RALGPS1: variants seen among roughly 807,000 people sequenced by gnomAD.
RALGPS1 encodes the protein ras-specific guanine nucleotide-releasing factor RalGPS1.
In RALGPS1, 19 loss-of-function variants were observed where a neutral mutation model predicts 78.8. The observed-to-expected ratio is 0.24, with a 90% CI of 0.17 to 0.35. The LOEUF (loss-of-function observed/expected upper bound fraction) is 0.35, where lower values mean the gene tolerates loss of function less well. RALGPS1 is among the 10% of genes least tolerant of loss of function. The probability of loss-of-function intolerance (pLI) is 1.00; values close to 1 mark genes in which losing one functional copy is unlikely to be tolerated. For synonymous variants in RALGPS1, 228 were observed against 256.3 expected, an observed-to-expected ratio of 0.89 and a Z score of 1.06; for missense variants, 454 against 688.3, an observed-to-expected ratio of 0.66 and a Z score of 3.81.
intron 8 of RALGPS1, among the ~76,000 whole-genome samples, chr9:127,096,183 G>T (rs1384321907): frequency 6.6e-6 from 1 of 152,208 alleles, no homozygotes; most frequent in Admixed American, 6.5e-5. Context: ...CAGGGAAGGG[G>T]AGGCTAGACC....
At chr9:127,135,489 G>A in intron 8 of RALGPS1, among the ~76,000 whole-genome samples, 1 of 152,224 alleles carries the variant, frequency 6.6e-6, no homozygotes, top group Middle Eastern at 3.2e-3. Flanking sequence ...CCTGTGGCAG[G>A]GAAAGATTTG....
intron 1 of RALGPS1, among the ~76,000 whole-genome samples, chr9:126,919,342 TG>T (rs2034517440): frequency 6.6e-6 from 1 of 152,218 alleles, no homozygotes; most frequent in East Asian, 1.9e-4. Flanking sequence ...AGACATCCTT[TG>T]TCCTAGGAAA....
At chr9:127,134,137 G>A (rs2057231480) in intron 8 of RALGPS1, among the ~76,000 whole-genome samples, 1 of 152,078 alleles carries the variant, frequency 6.6e-6, no homozygotes, top group Non-Finnish European at 1.5e-5. Context: ...TGGCCACGAT[G>A]GGATGGCTGC....
At chr9:127,156,852 GTAT>G (rs2139285872) in intron 8 of RALGPS1, among the ~76,000 whole-genome samples, 1 of 151,894 alleles carries the variant, frequency 6.6e-6, no homozygotes, top group Non-Finnish European at 1.5e-5. Context: ...TCAAGTACTC[GTAT>G]TATTTAGATT....
At chr9:127,041,599 G>T (rs1229387160) in intron 5 of RALGPS1, among the ~76,000 whole-genome samples, 2 of 152,156 alleles carry the variant, frequency 1.3e-5, no homozygotes, top group Admixed American at 6.5e-5. Context: ...GGACAGTTAC[G>T]TCTGGTTCTG....
chr9:127,044,507 C>T (rs189666936), intron 5 of RALGPS1, among the ~76,000 whole-genome samples: 157 of 152,280 alleles, frequency 1.0e-3, no homozygotes, highest in African/African-American at 3.6e-3. Flanking sequence ...CTGCCCTCCT[C>T]GGCCTCCCAA....
chr9:126,950,389 A>C (rs1473560340), intron 1 of RALGPS1, among the ~76,000 whole-genome samples: 2 of 152,214 alleles, frequency 1.3e-5, no homozygotes, highest in South Asian at 4.1e-4. Flanking sequence ...CATTGAATCT[A>C]TAAATCACCT....
intron 3 of RALGPS1, among the ~76,000 whole-genome samples, chr9:126,969,785 G>A (rs192034385): frequency 5.9e-5 from 9 of 152,296 alleles, no homozygotes; most frequent in African/African-American, 7.2e-5. Flanking sequence ...AGCCTCAGCC[G>A]TAGGGTATTG....
chr9:127,189,021 A>C (rs1297187729), intron 11 of RALGPS1, among the ~76,000 whole-genome samples: 3 of 149,262 alleles, frequency 2.0e-5, no homozygotes, highest in Non-Finnish European at 3.0e-5. Context: ...AAAAAAAAAA[A>C]AAAAAACCCC....
chr9:126,962,118 A>G, intron 1 of RALGPS1, 107 bp from the exon 2 acceptor site: 2 of 624,384 alleles, frequency 3.2e-6, no homozygotes. Flanking sequence ...ACCTTTCTTT[A>G]AAGGTCTCCT....
At chr9:127,028,545 C>T (rs2046152527) in intron 4 of RALGPS1, among the ~76,000 whole-genome samples, 1 of 152,176 alleles carries the variant, frequency 6.6e-6, no homozygotes, top group African/African-American at 2.4e-5. Flanking sequence ...CTCATCCTGG[C>T]ACCATTGGAG....
intron 1 of RALGPS1, among the ~76,000 whole-genome samples, chr9:126,931,189 G>A (rs1455548464): frequency 1.3e-5 from 2 of 152,112 alleles, no homozygotes; most frequent in Non-Finnish European, 1.5e-5. Flanking sequence ...GCACGATACC[G>A]CTTACATCTC....
At chr9:126,977,105 G>A (rs534141516) in intron 3 of RALGPS1, among the ~76,000 whole-genome samples, 1 of 152,274 alleles carries the variant, frequency 6.6e-6, no homozygotes, top group Admixed American at 6.5e-5. Context: ...CCAAATGCTT[G>A]CTCTCAGCTT....
intron 11 of RALGPS1, among the ~76,000 whole-genome samples, chr9:127,193,503 C>G (rs1192433286): frequency 6.6e-6 from 1 of 152,164 alleles, no homozygotes; most frequent in Non-Finnish European, 1.5e-5. Flanking sequence ...AGTGAGCACT[C>G]AGCCAGCACA....
chr9:127,016,260 G>A (rs1345902459), intron 4 of RALGPS1, among the ~76,000 whole-genome samples: 1 of 152,120 alleles, frequency 6.6e-6, no homozygotes, highest in Non-Finnish European at 1.5e-5. Flanking sequence ...CTGAAAGAAA[G>A]AAAAGTGCTG....
At chr9:127,173,510 CT>C (rs1485091479) in intron 10 of RALGPS1, among the ~76,000 whole-genome samples, 1 of 152,116 alleles carries the variant, frequency 6.6e-6, no homozygotes, top group Admixed American at 6.5e-5. Flanking sequence ...CTGGTGAGTT[CT>C]TTTACTTGTA....
At chr9:127,015,372 G>A (rs562365448) in intron 4 of RALGPS1, among the ~76,000 whole-genome samples, 3 of 152,256 alleles carry the variant, frequency 2.0e-5, no homozygotes, top group East Asian at 1.9e-4. Context: ...AAAAAATTAC[G>A]GAGCATAATG....
At chr9:126,973,076 G>GT (rs1390294046) in intron 3 of RALGPS1, among the ~76,000 whole-genome samples, 1 of 151,948 alleles carries the variant, frequency 6.6e-6, no homozygotes, top group African/African-American at 2.4e-5. Flanking sequence ...CAAACAAAAA[G>GT]TATGTATCAG....
chr9:127,212,902 G>A lies in RALGPS1; in HGVS notation c.1447-42G>A, dbSNP rs1482418282. The A allele has an allele frequency of 3.1e-6, 5 of 1,613,428 alleles. No homozygotes were observed. The highest frequency in any genetic ancestry group is 3.4e-6 in the Non-Finnish European group (4 of 1,179,706). On this transcript the variant is annotated intron_variant, in intron 16 of 18. Coordinates refer to ENST00000259351, the MANE Select transcript of RALGPS1 (RefSeq NM_014636.3). This position sits in a 1 kb window ranked among gnomAD's most constrained non-coding sequence, Gnocchi z 6.0. ...CGTCGGCCTCCCTTGTGGAGTGGAG[G>A]GCTGGGCCCCGGTCTCCGGATGTGT...
Sources: allele counts gnomAD v4.1 joint callset (sites outside exome capture counted in the v4.1 genomes callset), GRCh38; gene constraint gnomAD v4.1.1; non-coding constraint Gnocchi (gnomAD v3.1); transcripts MANE v1.5; gene names NCBI Gene and HGNC (gene_info 2026-07-23, HGNC 2026-07-21).